The following OSBPL3 variants were observed in gnomAD, a reference collection of about 807,000 sequenced individuals.
The protein encoded by OSBPL3 is oxysterol binding protein like 3.
OSBPL3 carries 65 observed loss-of-function variants against 120.1 expected under a neutral mutation model. That is an observed-to-expected ratio of 0.54 (90% CI 0.44 to 0.67). The LOEUF (loss-of-function observed/expected upper bound fraction) is 0.67. OSBPL3 is among the 30% of genes least tolerant of loss of function. The pLI is 0.00. For missense variants in OSBPL3, 1,004 were observed against 1,082.1 expected (o/e 0.93, Z 1.01); for synonymous variants, 416 against 402.6 (o/e 1.03, Z -0.40).
chr7:24,815,102 T>A lies in OSBPL3; in HGVS notation c.2129A>T (p.Asn710Ile). The A allele has an allele frequency of 6.2e-7, 1 of 1,613,966 alleles. No homozygotes were observed. Residue 710 changes from asparagine to isoleucine, a missense_variant, in exon 19 of 23, where the codon AAC becomes ATC. By Grantham distance (149) the Asn-to-Ile change is moderately radical (BLOSUM62 -3). Transcript: ENST00000313367. The surrounding 1 kb of genome is among the most constrained non-coding windows in gnomAD (Gnocchi z 5.1). Reference protein sequence around the residue: ...IEHYGEIVIKNLHDDSCYCKV... With the variant: ...IEHYGEIVIKILHDDSCYCKV... ...GCAGTAGCAGGAATCATCATGCAGG[T>A]TCTTGATGACAATCTCTCCATAGTG...
At position 24,851,102 on chromosome 7, in the gene OSBPL3, T is replaced by C. The variant is rs1212689866; in HGVS notation, c.1158+1402A>G. Among the ~76,000 whole-genome samples the C allele has an allele frequency of 2.6e-5, 4 of 152,038 alleles. No individual in the cohort carries two copies. Among genetic ancestry groups the C allele is most frequent in the African/African-American group, 9.7e-5 (4 of 41,398 alleles). On this transcript the variant is annotated intron_variant, in intron 11 of 22. Coordinates refer to ENST00000313367, the MANE Select transcript of OSBPL3 (RefSeq NM_015550.4). This position sits in a 1 kb window ranked among gnomAD's most constrained non-coding sequence, Gnocchi z 4.1. ...GGAGGAGGCAGGGAGAGGAAGATCA[T>C]GGGGAGAGGGACCTTGGAAGCCCAT...
rs986429406 is a variant in OSBPL3, at chr7:24,855,235, C to T, written c.1028-2601G>A. Among the ~76,000 whole-genome samples the T allele has an allele frequency of 1.3e-5, 2 of 152,166 alleles. No homozygotes were observed. The highest frequency in any genetic ancestry group is 4.8e-5 in the African/African-American group (2 of 41,428). On this transcript the variant is annotated intron_variant, in intron 10 of 22. Transcript: ENST00000313367. The surrounding 1 kb of genome is among the most constrained non-coding windows in gnomAD (Gnocchi z 4.3). ...GCCCATGGCCATCTCAGTGGGTCCC[C>T]TGGGGAGCTACCTCTCACTGTCTTG...
chr7:24,805,825 T>A lies in OSBPL3; in HGVS notation c.2444+951A>T, dbSNP rs1416327506. On this transcript the variant is annotated intron_variant, in intron 21 of 22. Transcript: ENST00000313367. This position sits in a 1 kb window ranked among gnomAD's most constrained non-coding sequence, Gnocchi z 4.0. ...ACCTCCCTATGTCCATTTTTTCTAATGGGTTGATCTGTTACTAGATTTCTA... is the reference window on the plus strand; with the variant it reads ...ACCTCCCTATGTCCATTTTTTCTAAAGGGTTGATCTGTTACTAGATTTCTA... Among the ~76,000 whole-genome samples the A allele has an allele frequency of 6.6e-6, 1 of 152,212 alleles. No homozygotes were observed. The highest frequency in any genetic ancestry group is 1.5e-5 in the Non-Finnish European group (1 of 68,036).
chr7:24,800,280 C>T lies in OSBPL3; in HGVS notation c.2568-1G>A. The T allele has an allele frequency of 1.3e-6, 2 of 1,593,168 alleles. No homozygotes were observed. Among genetic ancestry groups the T allele is most frequent in the Non-Finnish European group, 1.7e-6 (2 of 1,161,426 alleles). ...CACCCAAGAGTCATCGTCGGATTTC[C>T]TGTGAAAGAAGAAACAATTTCTTGC... On this transcript the variant is annotated splice_acceptor_variant, in intron 22 of 22. Transcript: ENST00000313367. LOFTEE classifies it high-confidence loss of function.
rs561672277 is a variant in OSBPL3, at chr7:24,945,229, C to A, written c.-150+34657G>T. Reference sequence around the variant, plus strand: ...TCAATCAACCCTTCTTTTTTCCAGGCTAAACATCTCCATTTAATTCATTCA... The same window carrying A: ...TCAATCAACCCTTCTTTTTTCCAGGATAAACATCTCCATTTAATTCATTCA... On this transcript the variant is annotated intron_variant, in intron 1 of 22. Transcript: ENST00000313367. Among the ~76,000 whole-genome samples, 2 of 152,188 alleles carry A rather than the reference C, an allele frequency of 1.3e-5. 1 individual carries two copies. Among genetic ancestry groups the A allele is most frequent in the South Asian group, 4.2e-4 (2 of 4,818 alleles).
rs1808925620 is a variant in OSBPL3, at chr7:24,912,226, T to A, written c.-149-19605A>T. Among the ~76,000 whole-genome samples the A allele has an allele frequency of 6.6e-6, 1 of 152,242 alleles. No homozygotes were observed. Among genetic ancestry groups the A allele is most frequent in the South Asian group, 2.1e-4 (1 of 4,834 alleles). ...AAATTTGTGGAAAGATAGATCCTAA[T>A]TCTTTAGGAGTTTACATCTAGTAAG... is the stretch of plus-strand genomic sequence containing the variant. On this transcript the variant is annotated intron_variant, in intron 1 of 22. Coordinates refer to ENST00000313367, the MANE Select transcript of OSBPL3 (RefSeq NM_015550.4). The surrounding 1 kb of genome is among the most constrained non-coding windows in gnomAD (Gnocchi z 4.5).
At position 24,862,740 on chromosome 7, in the gene OSBPL3, G is replaced by C. The variant is rs1352720512; in HGVS notation, c.870+460C>G. Among the ~76,000 whole-genome samples the C allele has an allele frequency of 6.6e-6, 1 of 151,454 alleles. No homozygotes were observed. Among genetic ancestry groups the C allele is most frequent in the Admixed American group, 6.6e-5 (1 of 15,238 alleles). ...AGGGATTGGGAGTTTGGAGATAAGA[G>C]GCCAAGGAGAATCTACACCATGTCC... On this transcript the variant is annotated intron_variant, in intron 9 of 22. Transcript: ENST00000313367. This position sits in a 1 kb window ranked among gnomAD's most constrained non-coding sequence, Gnocchi z 4.4.
Position 24,947,360 on chromosome 7 carries a change from A to C in OSBPL3, c.-150+32526T>G, listed in dbSNP as rs1457885466. ...CTCTGAATAAAGCTCTTCCAGGTAG[A>C]GTTCAATGGCTACAGAAGGAATCAG... On this transcript the variant is annotated intron_variant, in intron 1 of 22. Transcript: ENST00000313367. This position sits in a 1 kb window ranked among gnomAD's most constrained non-coding sequence, Gnocchi z 4.4. Among the ~76,000 whole-genome samples, 3 of 152,232 alleles carry C rather than the reference A, an allele frequency of 2.0e-5. No individual in the cohort carries two copies. The highest frequency in any genetic ancestry group is 4.4e-5 in the Non-Finnish European group (3 of 68,034).
Position 24,900,320 on chromosome 7 carries a change from A to G in OSBPL3, c.-149-7699T>C, listed in dbSNP as rs1325244691. Among the ~76,000 whole-genome samples the G allele has an allele frequency of 3.9e-5, 6 of 152,178 alleles. No individual in the cohort carries two copies. The highest frequency in any genetic ancestry group is 1.4e-4 in the African/African-American group (6 of 41,444). On this transcript the variant is annotated intron_variant, in intron 1 of 22. Coordinates refer to ENST00000313367, the MANE Select transcript of OSBPL3 (RefSeq NM_015550.4). The surrounding 1 kb of genome is among the most constrained non-coding windows in gnomAD (Gnocchi z 4.5). ...GCAGGTCCTCGAGTAATGTTGTTTTATTTAACTTTGTTATTTAGAAGTTTG... is the reference window on the plus strand; with the variant it reads ...GCAGGTCCTCGAGTAATGTTGTTTTGTTTAACTTTGTTATTTAGAAGTTTG...
intron 1 of OSBPL3, among the ~76,000 whole-genome samples, chr7:24,907,522 ATCAC>A (rs66746907): frequency 0.085 from 12,869 of 152,218 alleles, 719 homozygotes; most frequent in East Asian, 0.26. Flanking sequence ...TTTGGCTGTT[ATCAC>A]TCAAACTTCA....
intron 13 of OSBPL3, among the ~76,000 whole-genome samples, 167 bp from the exon 14 acceptor site, chr7:24,840,950 C>T (rs924038411): frequency 9.9e-5 from 15 of 152,198 alleles, no homozygotes; most frequent in Non-Finnish European, 1.8e-4. Flanking sequence ...GAGGTGTTCA[C>T]AACAAACACC....
Position 24,979,895 on chromosome 7 carries a change from G to C in OSBPL3, c.-159C>G, listed in dbSNP as rs528480120. The C allele has an allele frequency of 3.3e-4, 315 of 965,342 alleles. No individual in the cohort carries two copies. Among genetic ancestry groups the C allele is most frequent in the South Asian group, 8.7e-4 (18 of 20,670 alleles). The allele number at this position is 965,342 out of a possible 1,614,324, so 59.8% of individuals were successfully genotyped here. ...GCGCCCCGCCACTCACCTGAGCGCT[G>C]TGCAGCCGGAGACGCTCCCTAGTTC... On this transcript the variant is annotated 5_prime_UTR_variant, in exon 1 of 23. Transcript: ENST00000313367.
chr7:24,925,155 C>T (rs1489176857), intron 1 of OSBPL3, among the ~76,000 whole-genome samples: 1 of 152,146 alleles, frequency 6.6e-6, no homozygotes, highest in Non-Finnish European at 1.5e-5. Context: ...ATTTAAAAAG[C>T]CAGCAGCTGA....
chr7:24,898,117 C>G lies in OSBPL3; in HGVS notation c.-149-5496G>C, dbSNP rs988154867. Among the ~76,000 whole-genome samples, 1 of 152,128 alleles carries G rather than the reference C, an allele frequency of 6.6e-6. No individual in the cohort carries two copies. Among genetic ancestry groups the G allele is most frequent in the Admixed American group, 6.5e-5 (1 of 15,290 alleles). On this transcript the variant is annotated intron_variant, in intron 1 of 22. Coordinates refer to ENST00000313367, the MANE Select transcript of OSBPL3 (RefSeq NM_015550.4). The surrounding 1 kb of genome is among the most constrained non-coding windows in gnomAD (Gnocchi z 4.3). Reference sequence around the variant, plus strand: ...GTTATGCATCTTTTTACAAATGGTACCCTCTGAAACACCCTGATTTCAAAA... The same window carrying G: ...GTTATGCATCTTTTTACAAATGGTAGCCTCTGAAACACCCTGATTTCAAAA...
rs1264263687 is a variant in OSBPL3 at position 24,808,422 on chromosome 7, A to T, written c.2317+1385T>A. Among the ~76,000 whole-genome samples the T allele has an allele frequency of 6.6e-6, 1 of 152,136 alleles. No homozygotes were observed. Among genetic ancestry groups the T allele is most frequent in the Non-Finnish European group, 1.5e-5 (1 of 68,024 alleles). ...AATAATGACAGTAACAAAAATTTAA[A>T]CAGTGTTGCTTTATCAAGGTGGTAC... On this transcript the variant is annotated intron_variant, in intron 20 of 22. Coordinates refer to ENST00000313367, the MANE Select transcript of OSBPL3 (RefSeq NM_015550.4). The surrounding 1 kb of genome is among the most constrained non-coding windows in gnomAD (Gnocchi z 4.6).
intron 1 of OSBPL3, among the ~76,000 whole-genome samples, chr7:24,902,342 G>C (rs2128383880): frequency 6.6e-6 from 1 of 152,130 alleles, no homozygotes; most frequent in African/African-American, 2.4e-5. Flanking sequence ...CCATTTTTCT[G>C]GGTTTTTTTA....
rs902050538 is a variant in OSBPL3, at chr7:24,835,321, A to G, written c.1496-585T>C. On this transcript the variant is annotated intron_variant, in intron 14 of 22. Coordinates refer to ENST00000313367, the MANE Select transcript of OSBPL3 (RefSeq NM_015550.4). This position sits in a 1 kb window ranked among gnomAD's most constrained non-coding sequence, Gnocchi z 4.8. ...TTTTCTAAAACATCAGTTTTTGCTC[A>G]ATATCACTAATCATTAGAGAAATGC... Among the ~76,000 whole-genome samples, 11 of 152,262 alleles carry G rather than the reference A, an allele frequency of 7.2e-5. No individual in the cohort carries two copies. The East Asian group carries it at 2.1e-3, about 29-fold the overall frequency.
Position 24,865,418 on chromosome 7 carries a change from T to C in OSBPL3, c.597A>G (p.Val199=). 1 of 1,613,342 alleles carries C rather than the reference T, an allele frequency of 6.2e-7. No individual in the cohort carries two copies. The highest frequency in any genetic ancestry group is 8.5e-7 in the Non-Finnish European group (1 of 1,179,252). ...KQNLFQTGSN[V]SFSCGGETRV... ...GTGTCTCACCACCACAAGAAAATGATACATTGCTTCCAGTTTGAAATAAAT... is the reference window on the plus strand; with the variant it reads ...GTGTCTCACCACCACAAGAAAATGACACATTGCTTCCAGTTTGAAATAAAT... The change falls in exon 7 of 23, where the codon GTA becomes GTG. Residue 199 remains valine (V), a synonymous_variant. Coordinates refer to ENST00000313367, the MANE Select transcript of OSBPL3 (RefSeq NM_015550.4).
At position 24,938,779 on chromosome 7, in the gene OSBPL3, A is replaced by ATGTGTGTGTCTG. The variant is rs1464067345; in HGVS notation, c.-150+41106_-150+41107insCAGACACACACA. 0.019 allele frequency among the ~76,000 whole-genome samples: 1,787 copies of ATGTGTGTGTCTG among 94,208 alleles called. 90 individuals carry two copies. Among genetic ancestry groups the ATGTGTGTGTCTG allele is most frequent in the East Asian group, 0.044 (145 of 3,300 alleles). The allele number at this position is 94,208 out of a possible 152,430, so 61.8% of individuals were successfully genotyped here. On this transcript the variant is annotated intron_variant, in intron 1 of 22. Transcript: ENST00000313367. The surrounding 1 kb of genome is among the most constrained non-coding windows in gnomAD (Gnocchi z 5.8). ...AACTGAATAATGAGGTTTTGTTTTG[A>ATGTGTGTGTCTG]TGTGTGTGTGTGTGTGTGTGTGTGT...
Sources: gnomAD v4.1 joint callset for allele counts (sites outside exome capture counted in the v4.1 genomes callset) on GRCh38, gnomAD v4.1.1 for gene constraint, Gnocchi (gnomAD v3.1) non-coding constraint, MANE v1.5 for transcripts, NCBI Gene and HGNC (gene_info 2026-07-23, HGNC 2026-07-21) for gene names.